GCN1: variants seen among roughly 807,000 people sequenced by gnomAD.
GCN1 encodes stalled ribosome sensor GCN1.
Under a neutral mutation model 288.4 loss-of-function variants are expected in GCN1, and 90 were observed. The observed-to-expected ratio is 0.31, with a 90% CI of 0.26 to 0.37. GCN1 has a LOEUF of 0.37. GCN1 is among the 10% of genes least tolerant of loss of function. The probability of loss-of-function intolerance (pLI) is 1.00; values close to 1 mark genes in which losing one functional copy is unlikely to be tolerated. For missense variants in GCN1, 2,586 were observed against 3,419.9 expected, an observed-to-expected ratio of 0.76 and a Z score of 6.08; for synonymous variants, 1,386 against 1,420.2, an observed-to-expected ratio of 0.98 and a Z score of 0.54.
intron 1 of GCN1, among the ~76,000 whole-genome samples, chr12:120,190,702 A>G (rs1282765482): frequency 4.6e-5 from 7 of 152,158 alleles, no homozygotes; most frequent in African/African-American, 7.2e-5. Context: ...CTTTAATTCA[A>G]CTAGTCAACA....
chr12:120,173,641 G>A lies in GCN1; in HGVS notation c.1366+12C>T. The A allele has an allele frequency of 6.4e-7, 1 of 1,551,586 alleles. No individual in the cohort carries two copies. The highest frequency in any genetic ancestry group is 1.1e-5 in the South Asian group (1 of 89,616). ...AAGGAGACCTGGACACTAGCCCTGG[G>A]AGTTGTCTTACCCCGGTAAGAGGCC... On this transcript the variant is annotated intron_variant, in intron 14 of 57. Transcript: ENST00000300648.
intron 5 of GCN1, among the ~76,000 whole-genome samples, chr12:120,180,887 G>GGCT (rs1166884715): frequency 1.3e-5 from 2 of 152,036 alleles, no homozygotes; most frequent in Non-Finnish European, 2.9e-5. Flanking sequence ...CTACTCGGGA[G>GGCT]GCTGAGGCAG....
At chr12:120,183,421 T>G (rs1878727525) in intron 5 of GCN1, 148 bp downstream of exon 5, 3 of 645,276 alleles carry the variant, frequency 4.6e-6, no homozygotes, top group Admixed American at 4.8e-5. Context: ...CTCATGGCCA[T>G]CCACCAAAGC....
chr12:120,144,344 C>T lies in GCN1; in HGVS notation c.5457G>A (p.Gln1819=), dbSNP rs1347004587. ...GGTCATCAAAGAGGCCTTGCTCTAG[C>T]TGGGGCAGCAGCAGGGCGATGGCTG... The part of the protein sequence containing the change: ...AETAIALLLP[Q]LEQGLFDDLW... Residue 1819 remains glutamine, a synonymous_variant, in exon 42 of 58, where the codon CAG becomes CAA. Coordinates refer to ENST00000300648, the MANE Select transcript of GCN1 (RefSeq NM_006836.2). The surrounding 1 kb of genome is among the most constrained non-coding windows in gnomAD (Gnocchi z 4.7). 2 of 1,614,130 alleles carry T rather than the reference C, an allele frequency of 1.2e-6. No individual in the cohort carries two copies. Among genetic ancestry groups the T allele is most frequent in the African/African-American group, 1.3e-5 (1 of 74,950 alleles).
At chr12:120,160,549 G>A (rs1432134792) in intron 22 of GCN1, among the ~76,000 whole-genome samples, 1 of 152,092 alleles carries the variant, frequency 6.6e-6, no homozygotes, top group Non-Finnish European at 1.5e-5. Flanking sequence ...TACTCAAAAG[G>A]GTATTCTGAC....
chr12:120,163,406 C>T, intron 18 of GCN1, 147 bp from the exon 19 acceptor site: 2 of 639,506 alleles, frequency 3.1e-6, no homozygotes, highest in Non-Finnish European at 5.4e-6. Context: ...CAGCTTCCTG[C>T]AATGGGACCC....
Position 120,155,229 on chromosome 12 carries a change from C to G in GCN1, c.3630+12G>C. The G allele has an allele frequency of 6.2e-7, 1 of 1,613,410 alleles. No homozygotes were observed. Among genetic ancestry groups the G allele is most frequent in the Non-Finnish European group, 8.5e-7 (1 of 1,179,352 alleles). ...ACACCCAGACTGCATCAGGGCTGCACAGGTCACTCACGTAGAGCTTTTCCT... is the reference window on the plus strand; with the variant it reads ...ACACCCAGACTGCATCAGGGCTGCAGAGGTCACTCACGTAGAGCTTTTCCT... On this transcript the variant is annotated intron_variant, in intron 30 of 57. Transcript: ENST00000300648. The surrounding 1 kb of genome is among the most constrained non-coding windows in gnomAD (Gnocchi z 4.9).
At chr12:120,149,089 A>C (rs890012839) in intron 36 of GCN1, among the ~76,000 whole-genome samples, 1 of 140,218 alleles carries the variant, frequency 7.1e-6, no homozygotes. Context: ...TTTCAAAAAG[A>C]GCTTTCCTGG....
chr12:120,155,512 A>T lies in GCN1; in HGVS notation c.3440+80T>A. 6.3e-7 allele frequency: 1 copy of T among 1,598,982 alleles called. No individual in the cohort carries two copies. On this transcript the variant is annotated intron_variant, in intron 29 of 57. Coordinates refer to ENST00000300648, the MANE Select transcript of GCN1 (RefSeq NM_006836.2). This position sits in a 1 kb window ranked among gnomAD's most constrained non-coding sequence, Gnocchi z 4.9. ...CCAGCCCAGCCCTTCTTCCCACTGG[A>T]GGCTGAGCACACTGGGTTCAGTTAT...
At chr12:120,138,542 G>T in intron 46 of GCN1, 127 bp from the exon 47 acceptor site, 1 of 1,026,766 alleles carries the variant, frequency 9.7e-7, no homozygotes, top group Non-Finnish European at 1.5e-6. Context: ...ACTGCCGAAG[G>T]CGAAGCACAA....
intron 2 of GCN1, among the ~76,000 whole-genome samples, chr12:120,186,072 G>A (rs1051268456): frequency 1.3e-5 from 2 of 152,074 alleles, no homozygotes; most frequent in South Asian, 2.1e-4. Flanking sequence ...AGTGGCTCAC[G>A]CCTGTAATCC....
Position 120,174,096 on chromosome 12 carries a change from C to T in GCN1, c.1167G>A (p.Leu389=). 1 of 1,601,400 alleles carries T rather than the reference C, an allele frequency of 6.2e-7. No homozygotes were observed. The highest frequency in any genetic ancestry group is 8.6e-7 in the Non-Finnish European group (1 of 1,168,348). Residue 389 remains leucine, a synonymous_variant, in exon 13 of 58, where the codon CTG becomes CTA. Transcript: ENST00000300648. The part of the protein sequence containing the change: ...SQVLNGIVAE[L]FIPFLQQEVH... ...CTTCCTGCTGAAGGAACGGGATGAA[C>T]AGCTCAGCCACGATCCCATTCAGGA...
intron 16 of GCN1, among the ~76,000 whole-genome samples, chr12:120,166,631 G>A (rs1878135163): frequency 6.6e-6 from 1 of 151,018 alleles, no homozygotes; most frequent in Admixed American, 6.6e-5. Flanking sequence ...GTGAACCCGG[G>A]AGGCGGAGCT....
chr12:120,128,827 T>C (rs778843585), intron 57 of GCN1, among the ~76,000 whole-genome samples: 11 of 147,750 alleles, frequency 7.4e-5, no homozygotes, highest in Non-Finnish European at 1.2e-4. Flanking sequence ...ACTGGGCCAG[T>C]CACCCAAATC....
chr12:120,165,052 T>TA (rs1491359098), intron 16 of GCN1, among the ~76,000 whole-genome samples: 126 of 142,552 alleles, frequency 8.8e-4, no homozygotes, highest in African/African-American at 2.1e-3. Flanking sequence ...TATATATATA[T>TA]TTTTTTTTTT....
At chr12:120,154,901 G>A in intron 31 of GCN1, 69 bp downstream of exon 31, 1 of 1,408,742 alleles carries the variant, frequency 7.1e-7, no homozygotes, top group Non-Finnish European at 1.0e-6. Context: ...CCTCCTCACA[G>A]CACCCACCCA....
intron 33 of GCN1, 68 bp from the exon 34 acceptor site, chr12:120,151,459 GA>G (rs1877552389): frequency 1.3e-6 from 2 of 1,546,740 alleles, no homozygotes; most frequent in East Asian, 4.6e-5. Flanking sequence ...TGGGGGGTCT[GA>G]CCATTCTACA....
chr12:120,183,177 C>T (rs1329851459), intron 5 of GCN1, among the ~76,000 whole-genome samples: 5 of 152,146 alleles, frequency 3.3e-5, no homozygotes, highest in African/African-American at 1.2e-4. Flanking sequence ...AAATCAAACA[C>T]AGGGAATGGA....
intron 51 of GCN1, among the ~76,000 whole-genome samples, chr12:120,136,017 AAAAACAAAAC>A (rs1401425352): frequency 1.3e-5 from 2 of 152,170 alleles, no homozygotes; most frequent in African/African-American, 2.4e-5. Flanking sequence ...ACTCTGTCTC[AAAAACAAAAC>A]AAAACAAAAC....
Sources: gnomAD v4.1 joint callset for allele counts (sites outside exome capture counted in the v4.1 genomes callset) on GRCh38, gnomAD v4.1.1 for gene constraint, Gnocchi (gnomAD v3.1) non-coding constraint, MANE v1.5 for transcripts, NCBI Gene and HGNC (gene_info 2026-07-23, HGNC 2026-07-21) for gene names.